Variants in USH2A observed in about 807,000 individuals in gnomAD.
USH2A encodes the protein usherin.
In USH2A, 443 loss-of-function variants were observed where a neutral mutation model predicts 538.9. The observed-to-expected ratio is 0.82, with a 90% confidence interval of 0.76 to 0.89. The LOEUF (loss-of-function observed/expected upper bound fraction) is 0.89. USH2A is among the 40% of genes least tolerant of loss of function. The pLI is 0.00. For missense variants in USH2A, 6,633 were observed against 6,324.8 expected, an observed-to-expected ratio of 1.05 and a Z score of -1.65; for synonymous variants, 2,413 against 2,273.5, an observed-to-expected ratio of 1.06 and a Z score of -1.75.
chr1:216,386,170 A>G (rs2039000337), intron 3 of USH2A, among the ~76,000 whole-genome samples: 4 of 152,312 alleles, frequency 2.6e-5, no homozygotes, highest in South Asian at 2.1e-4. Flanking sequence ...AATTATGAAT[A>G]ACACAAAACA....
intron 58 of USH2A, among the ~76,000 whole-genome samples, 164 bp downstream of exon 58, chr1:215,758,431 G>C (rs1366914001): frequency 6.6e-6 from 1 of 151,796 alleles, no homozygotes; most frequent in Non-Finnish European, 1.5e-5. Flanking sequence ...ATGTACTCAT[G>C]CGTCTATACA....
At chr1:216,003,169 C>T (rs1451604264) in intron 32 of USH2A, among the ~76,000 whole-genome samples, 3 of 151,982 alleles carry the variant, frequency 2.0e-5, no homozygotes, top group African/African-American at 7.2e-5. Flanking sequence ...AACAAGTATA[C>T]CTCTCATGTT....
At chr1:216,271,837 T>C (rs2036582276) in intron 11 of USH2A, among the ~76,000 whole-genome samples, 1 of 152,150 alleles carries the variant, frequency 6.6e-6, no homozygotes, top group Admixed American at 6.6e-5. Context: ...GATGTTAAAC[T>C]AACTTTGCAT....
At chr1:216,069,611 G>T (rs1339166994) in intron 30 of USH2A, among the ~76,000 whole-genome samples, 35 of 152,058 alleles carry the variant, frequency 2.3e-4, no homozygotes, top group Admixed American at 2.3e-3. Flanking sequence ...ATTCTTCATG[G>T]CACACCACAC....
intron 12 of USH2A, 46 bp from the exon 13 acceptor site, chr1:216,247,272 C>A: frequency 6.2e-7 from 1 of 1,606,850 alleles, no homozygotes; most frequent in African/African-American, 1.3e-5. Flanking sequence ...AAAATGATTT[C>A]ATTCAAGATA....
intron 11 of USH2A, among the ~76,000 whole-genome samples, chr1:216,270,821 C>T (rs942204086): frequency 6.6e-6 from 1 of 151,854 alleles, no homozygotes; most frequent in Non-Finnish European, 1.5e-5. Flanking sequence ...GCAGTCCTCT[C>T]GCCTCAGCCT....
chr1:215,680,064 C>G, intron 62 of USH2A, 85 bp downstream of exon 62: 2 of 1,397,406 alleles, frequency 1.4e-6, no homozygotes, highest in Admixed American at 1.7e-5. Context: ...AGGGAGTTTT[C>G]CCACAGTGAC....
At chr1:216,230,406 T>C (rs1208068202) in intron 14 of USH2A, among the ~76,000 whole-genome samples, 5 of 152,188 alleles carry the variant, frequency 3.3e-5, no homozygotes, top group African/African-American at 1.2e-4. Context: ...AGAGTCACAA[T>C]GGTCTCAGAC....
chr1:216,359,108 C>T (rs2038442913), intron 4 of USH2A, among the ~76,000 whole-genome samples: 1 of 152,102 alleles, frequency 6.6e-6, no homozygotes, highest in Non-Finnish European at 1.5e-5. Context: ...ATACTAATTA[C>T]TCAAACCAAG....
chr1:216,122,524 C>A (rs2033158088), intron 21 of USH2A, among the ~76,000 whole-genome samples: 1 of 152,094 alleles, frequency 6.6e-6, no homozygotes, highest in Admixed American at 6.6e-5. Flanking sequence ...AACAGCCAGG[C>A]AGCAATACTG....
chr1:216,099,308 A>G (rs2032521370), intron 21 of USH2A, among the ~76,000 whole-genome samples: 3 of 152,016 alleles, frequency 2.0e-5, no homozygotes, highest in Admixed American at 6.6e-5. Context: ...CCTTCCTGGC[A>G]ACTCTTCCAC....
chr1:216,387,169 T>A (rs1362369830), intron 3 of USH2A, among the ~76,000 whole-genome samples: 1 of 152,206 alleles, frequency 6.6e-6, no homozygotes. Context: ...AGTGAAGAAA[T>A]AGGCTGAACA....
chr1:215,842,749 G>A (rs75063819), intron 46 of USH2A, among the ~76,000 whole-genome samples: 2 of 151,870 alleles, frequency 1.3e-5, no homozygotes, highest in South Asian at 2.1e-4. Context: ...TTATAAGTAG[G>A]AGCTGTACAG....
At chr1:215,683,012 C>T (rs1658288420) in intron 61 of USH2A, among the ~76,000 whole-genome samples, 1 of 152,006 alleles carries the variant, frequency 6.6e-6, no homozygotes, top group South Asian at 2.1e-4. Flanking sequence ...TCATGTACCA[C>T]CGTGTGTGGC....
At chr1:215,699,091 C>T (rs1374910761) in intron 61 of USH2A, among the ~76,000 whole-genome samples, 1 of 152,090 alleles carries the variant, frequency 6.6e-6, no homozygotes, top group Non-Finnish European at 1.5e-5. Context: ...TTCCCCATTG[C>T]TTGTTTTTGT....
intron 21 of USH2A, among the ~76,000 whole-genome samples, chr1:216,157,017 G>A (rs551596624): frequency 6.6e-6 from 1 of 152,056 alleles, no homozygotes; most frequent in East Asian, 1.9e-4. Flanking sequence ...GGGATTACAG[G>A]CACACACCAC....
In USH2A at chr1:216,292,061, G is replaced by A. The variant is rs1334314739; in HGVS notation, c.1840+114C>T. 4 of 1,221,876 alleles carry A rather than the reference G, an allele frequency of 3.3e-6. No individual in the cohort carries two copies. In the Admixed American group the frequency reaches 7.5e-5, roughly 23 times the overall value. The allele number at this position is 1,221,876 out of a possible 1,614,324, so 75.7% of individuals were successfully genotyped here. On this transcript the variant is annotated intron_variant, in intron 10 of 71. Coordinates refer to ENST00000307340, the MANE Select transcript of USH2A (RefSeq NM_206933.4). ...ACTAGCTTTGATTTTCAAACTTAAAGGTATGAAAGTACATCCTTAAATAAG... is the reference window on the plus strand; with the variant it reads ...ACTAGCTTTGATTTTCAAACTTAAAAGTATGAAAGTACATCCTTAAATAAG...
At chr1:215,784,850 T>C (rs1244113687) in intron 52 of USH2A, among the ~76,000 whole-genome samples, 1 of 152,208 alleles carries the variant, frequency 6.6e-6, no homozygotes, top group Non-Finnish European at 1.5e-5. Context: ...GAAACATCTA[T>C]TCACTTCTGG....
At chr1:215,822,301 T>C (rs1478740355) in intron 47 of USH2A, among the ~76,000 whole-genome samples, 3 of 151,906 alleles carry the variant, frequency 2.0e-5, no homozygotes, top group Non-Finnish European at 4.4e-5. Flanking sequence ...ATTTCTTTCA[T>C]CAGCATTTTA....
Sources: gnomAD v4.1 joint callset for allele counts (sites outside exome capture counted in the v4.1 genomes callset) on GRCh38, gnomAD v4.1.1 for gene constraint, MANE v1.5 for transcripts, NCBI Gene and HGNC (gene_info 2026-07-23, HGNC 2026-07-21) for gene names.